The following PIK3C3 variants were observed in gnomAD, a reference collection of about 807,000 sequenced individuals.
PIK3C3 encodes the protein phosphatidylinositol 3-kinase catalytic subunit type 3.
A neutral mutation model predicts 126.1 loss-of-function variants in PIK3C3; 95 were observed. The ratio of observed to expected loss-of-function variants is 0.75; its 90% CI spans 0.64 to 0.89. The LOEUF is 0.89. PIK3C3 is among the 40% of genes least tolerant of loss of function. The probability of loss-of-function intolerance (pLI) is 0.00; values close to 1 mark genes in which losing one functional copy is unlikely to be tolerated. For synonymous variants in PIK3C3, 374 were observed against 360.0 expected, an observed-to-expected ratio of 1.04 and a Z score of -0.44; for missense variants, 829 against 1,063.2, an observed-to-expected ratio of 0.78 and a Z score of 3.06.
chr18:42,057,692 T>C, intron 21 of PIK3C3, 191 bp from the exon 22 acceptor site: 1 of 546,326 alleles, frequency 1.8e-6, no homozygotes, highest in Non-Finnish European at 3.2e-6. Context: ...ACGAATGAGT[T>C]AAAATGAGTT....
At chr18:42,061,675 G>C (rs1330491130) in intron 22 of PIK3C3, among the ~76,000 whole-genome samples, 1 of 152,158 alleles carries the variant, frequency 6.6e-6, no homozygotes, top group Non-Finnish European at 1.5e-5. Flanking sequence ...TTCACTTGAT[G>C]TATCTTAAAT....
chr18:42,000,466 G>A (rs553346346), intron 9 of PIK3C3, among the ~76,000 whole-genome samples: 2 of 152,098 alleles, frequency 1.3e-5, no homozygotes, highest in Non-Finnish European at 2.9e-5. Flanking sequence ...GTTTTGGAGG[G>A]CAAGGGATGG....
At chr18:41,983,236 T>G (rs1310937696) in intron 4 of PIK3C3, among the ~76,000 whole-genome samples, 1 of 152,174 alleles carries the variant, frequency 6.6e-6, no homozygotes, top group Admixed American at 6.6e-5. Context: ...TGTTCAACAT[T>G]CTATGCTCAT....
intron 13 of PIK3C3, chr18:42,026,003 G>A (rs1983551253): frequency 6.6e-6 from 1 of 152,140 alleles, no homozygotes; most frequent in African/African-American, 2.4e-5. Context: ...TACTCTCCCA[G>A]AAATAGTGGA....
At chr18:41,974,868 A>G (rs747123461) in intron 4 of PIK3C3, among the ~76,000 whole-genome samples, 4 of 152,348 alleles carry the variant, frequency 2.6e-5, no homozygotes, top group South Asian at 2.1e-4. Flanking sequence ...ATTTGAATCC[A>G]TGTCTTTAGA....
intron 22 of PIK3C3, among the ~76,000 whole-genome samples, chr18:42,062,782 C>T (rs575283221): frequency 1.2e-4 from 19 of 152,132 alleles, no homozygotes; most frequent in African/African-American, 4.3e-4. Context: ...ATGTCTAAAA[C>T]GAAATTCTTG....
At chr18:41,995,484 A>G (rs1048270766) in intron 7 of PIK3C3, among the ~76,000 whole-genome samples, 1 of 152,174 alleles carries the variant, frequency 6.6e-6, no homozygotes, top group African/African-American at 2.4e-5. Flanking sequence ...CTGATAGCTT[A>G]AATAACTGCT....
intron 9 of PIK3C3, 79 bp from the exon 10 acceptor site, chr18:42,004,277 C>T: frequency 9.6e-7 from 1 of 1,041,108 alleles, no homozygotes; most frequent in Admixed American, 2.3e-5. Flanking sequence ...TCATTAGGAC[C>T]TAGTGGAACT....
chr18:42,007,336 TTC>T (rs1271039022), intron 10 of PIK3C3, among the ~76,000 whole-genome samples: 1 of 152,136 alleles, frequency 6.6e-6, no homozygotes, highest in Non-Finnish European at 1.5e-5. Flanking sequence ...GACAAAGCTT[TTC>T]TTCTTTCCTT....
intron 11 of PIK3C3, 152 bp downstream of exon 11, chr18:42,013,748 C>G: frequency 1.6e-6 from 1 of 618,454 alleles, no homozygotes; most frequent in Non-Finnish European, 2.8e-6. Flanking sequence ...TCACAGCACA[C>G]AGATTACTAT....
rs372341457 is a variant in PIK3C3, at chr18:42,017,794, T to G, written c.1416+2228T>G. On this transcript the variant is annotated intron_variant, in intron 12 of 24. Transcript: ENST00000262039. Reference sequence around the variant, plus strand: ...GCGTTTATCTTTTCCTTTGAATTTTTTTGTAGCCTTATATTTTAGGTTTAT... The same window carrying G: ...GCGTTTATCTTTTCCTTTGAATTTTGTTGTAGCCTTATATTTTAGGTTTAT... 3.4e-3 allele frequency among the ~76,000 whole-genome samples: 523 copies of G among 152,152 alleles called. 2 individuals are homozygous for G. Among genetic ancestry groups the G allele is most frequent in the Middle Eastern group, 0.024 (7 of 294 alleles).
chr18:41,995,513 C>T (rs1981983943), intron 7 of PIK3C3, among the ~76,000 whole-genome samples: 1 of 152,108 alleles, frequency 6.6e-6, no homozygotes, highest in African/African-American at 2.4e-5. Context: ...AATACAGTGA[C>T]ATCACAAGGT....
In PIK3C3 at chr18:42,084,280, A is replaced by C. The variant is rs377526843; in HGVS notation, c.*3143A>C. Reference sequence around the variant, plus strand: ...AGGAGCATTTTGTAAGTAATTACTAATGTTTATTTTAGAGAGATCACACAA... The same window carrying C: ...AGGAGCATTTTGTAAGTAATTACTACTGTTTATTTTAGAGAGATCACACAA... On this transcript the variant is annotated 3_prime_UTR_variant, in exon 25 of 25. Coordinates refer to ENST00000262039, the MANE Select transcript of PIK3C3 (RefSeq NM_002647.4). 4.9e-4 allele frequency: 74 copies of C among 152,314 alleles called. No individual in the cohort carries two copies. The highest frequency in any genetic ancestry group is 1.7e-3 in the African/African-American group (70 of 41,568). 9.4% of individuals were successfully genotyped at this position (152,314 alleles called of 1,614,324 possible). A position where few individuals can be genotyped will look rare whatever the true frequency, so the allele number is the denominator to read the frequency against.
At chr18:41,977,426 C>T (rs755368370) in intron 4 of PIK3C3, among the ~76,000 whole-genome samples, 3 of 151,690 alleles carry the variant, frequency 2.0e-5, no homozygotes, top group Non-Finnish European at 2.9e-5. Flanking sequence ...ATACAAGAGA[C>T]GTACAACAGA....
rs373188898 is a variant in PIK3C3, at chr18:42,044,433, G to A, written c.2188+616G>A. ...TTCTTTTCCTTTTTTCCTGGAGACA[G>A]GATCACACTCTGTCACCCGGGCTGG... is the stretch of plus-strand genomic sequence containing the variant. On this transcript the variant is annotated intron_variant, in intron 20 of 24. Coordinates refer to ENST00000262039, the MANE Select transcript of PIK3C3 (RefSeq NM_002647.4). Among the ~76,000 whole-genome samples, 4 of 150,860 alleles carry A rather than the reference G, an allele frequency of 2.7e-5. No homozygotes were observed. The East Asian group carries it at 7.8e-4, about 29-fold the overall frequency.
intron 13 of PIK3C3, among the ~76,000 whole-genome samples, chr18:42,023,942 C>T (rs982597743): frequency 1.3e-5 from 2 of 152,142 alleles, no homozygotes; most frequent in Non-Finnish European, 2.9e-5. Context: ...TGCAGACAAT[C>T]CTTTTAAAAT....
At chr18:41,981,091 A>G (rs1981175788) in intron 4 of PIK3C3, among the ~76,000 whole-genome samples, 1 of 152,188 alleles carries the variant, frequency 6.6e-6, no homozygotes, top group Non-Finnish European at 1.5e-5. Flanking sequence ...TTTTATAAAC[A>G]TATCTTATTG....
intron 21 of PIK3C3, 29 bp downstream of exon 21, chr18:42,049,634 A>G (rs1339028139): frequency 1.4e-6 from 2 of 1,476,548 alleles, no homozygotes; most frequent in African/African-American, 1.4e-5. Flanking sequence ...CAGTAGACAT[A>G]CATTGTATAT....
chr18:41,998,871 C>T (rs1213533918), intron 9 of PIK3C3, among the ~76,000 whole-genome samples: 4 of 152,108 alleles, frequency 2.6e-5, no homozygotes, highest in Admixed American at 2.0e-4. Context: ...ATACTCCACC[C>T]ATTAATTTAT....
Sources: allele counts gnomAD v4.1 joint callset (sites outside exome capture counted in the v4.1 genomes callset), GRCh38; gene constraint gnomAD v4.1.1; transcripts MANE v1.5; gene names NCBI Gene and HGNC (gene_info 2026-07-23, HGNC 2026-07-21).